MYO1H: variants seen among roughly 807,000 people sequenced by gnomAD.
MYO1H encodes the protein unconventional myosin-Ih.
In MYO1H, 118 loss-of-function variants were observed where a neutral mutation model predicts 149.3. The ratio of observed to expected loss-of-function variants is 0.79; its 90% CI spans 0.68 to 0.92. MYO1H has a LOEUF of 0.92. Among genes scored for constraint, MYO1H ranks in the 40% least tolerant of loss-of-function variants. The pLI, the probability that MYO1H is intolerant of heterozygous loss-of-function variation, is 0.00. For missense variants in MYO1H, 1,212 were observed against 1,280.7 expected, an observed-to-expected ratio of 0.95 and a Z score of 0.82; for synonymous variants, 447 against 465.2, an observed-to-expected ratio of 0.96 and a Z score of 0.50.
At position 109,441,596 on chromosome 12, in the gene MYO1H, T is replaced by G; in HGVS notation, c.2539-19T>G. 6.4e-7 allele frequency: 1 copy of G among 1,574,096 alleles called. No homozygotes were observed. ...AGCCTGTGGCTACCATTTTTATACT[T>G]TCAATTGTGTATTACCAGATGCAGC... On this transcript the variant is annotated intron_variant, in intron 25 of 31. Transcript: ENST00000310903.
In MYO1H at chr12:109,438,545, T is replaced by C. The variant is rs1392709235; in HGVS notation, c.2219T>C (p.Leu740Pro). 3 of 1,613,068 alleles carry C rather than the reference T, an allele frequency of 1.9e-6. No individual in the cohort carries two copies. The highest frequency in any genetic ancestry group is 4.5e-5 in the East Asian group (2 of 44,870). Residue 740 changes from leucine to proline, a missense_variant, in exon 23 of 32, where the codon CTG (leucine) becomes CCG (proline). By Grantham distance (98) the Leu-to-Pro change is moderately conservative. Coordinates refer to ENST00000310903, the Ensembl canonical transcript of MYO1H. Reference sequence around the variant, plus strand: ...CAGTGAACTCTTTCAGCCATCAAACTGGAAGCCCACTGGCGTGGGGCCCTG... The same window carrying C: ...CAGTGAACTCTTTCAGCCATCAAACCGGAAGCCCACTGGCGTGGGGCCCTG...
At position 109,425,936 on chromosome 12, in the gene MYO1H, C is replaced by T; in HGVS notation, c.1726-10C>T. The T allele has an allele frequency of 6.3e-7, 1 of 1,595,200 alleles. No homozygotes were observed. Among genetic ancestry groups the T allele is most frequent in the Non-Finnish European group, 8.6e-7 (1 of 1,163,332 alleles). On this transcript the variant is annotated splice_polypyrimidine_tract_variant and intron_variant, in intron 17 of 31. Transcript: ENST00000310903. The stretch of plus-strand genomic sequence containing the variant: ...GCTCGTTCTCTCTCTCTTTCTCTCT[C>T]TCTCTGCAGGTGGGGACTCAGTTTA...
At chr12:109,379,436 C>G (rs11066446) in intron 1 of MYO1H, among the ~76,000 whole-genome samples, 54,295 of 151,998 alleles carry the variant, frequency 0.36, 10,036 homozygotes, top group Admixed American at 0.45. Context: ...TGCTATTGAG[C>G]GTTTTTTGCT....
the MYO1H span, among the ~76,000 whole-genome samples, chr12:109,318,972 G>GTTTTTTTTTTTTTTTTTT: frequency 6.3e-4 from 49 of 77,238 alleles, 2 homozygotes; most frequent in East Asian, 5.2e-3. Flanking sequence ...TTTTGGTTTT[G>GTTTTTTTTTTTTTTTTTT]TTTTTTTTTT....
rs1479738933 is a variant in MYO1H at position 109,443,110 on chromosome 12, G to GTGTGTATATATGTGTACATA, written c.2689-395_2689-394insATGTGTACATATGTGTATAT. 4.8e-5 allele frequency among the ~76,000 whole-genome samples: 6 copies of GTGTGTATATATGTGTACATA among 124,020 alleles called. 1 individual carries two copies. The highest frequency in any genetic ancestry group is 6.8e-5 in the Non-Finnish European group (4 of 58,590). 81.4% of individuals were successfully genotyped at this position (124,020 alleles called of 152,430 possible). A position where few individuals can be genotyped will look rare whatever the true frequency, so the allele number is the denominator to read the frequency against. ...TGTGTGTATATATGTGTACGTATAT[G>GTGTGTATATATGTGTACATA]TGTGTATATGTGTACGTATATATGT... is the stretch of plus-strand genomic sequence containing the variant. On this transcript the variant is annotated intron_variant, in intron 27 of 31. Coordinates refer to ENST00000310903, the Ensembl canonical transcript of MYO1H.
At chr12:109,351,489 A>G (rs1868460009) in intron 1 of MYO1H, among the ~76,000 whole-genome samples, 1 of 152,216 alleles carries the variant, frequency 6.6e-6, no homozygotes, top group Admixed American at 6.5e-5. Context: ...TATCTGTTTA[A>G]AAGCCATCTA....
chr12:109,439,631 G>T, exon 24 of MYO1H: 1 of 1,606,582 alleles, frequency 6.2e-7, no homozygotes, highest in Non-Finnish European at 8.5e-7. Context: ...TCCTTTTTAG[G>T]TTCATTAAAG....
chr12:109,410,879 C>A (rs1302657728), intron 13 of MYO1H, 111 bp downstream of exon 13: 20 of 713,310 alleles, frequency 2.8e-5, no homozygotes, highest in Non-Finnish European at 3.8e-5. Flanking sequence ...CGGTGGCTCA[C>A]GCCTGTAATT....
At chr12:109,326,762 C>A in the MYO1H span, among the ~76,000 whole-genome samples, 6 of 152,008 alleles carry the variant, frequency 3.9e-5, no homozygotes, top group South Asian at 2.1e-4. Context: ...TCAAGCAATT[C>A]ATCCACCTCG....
chr12:109,443,548 G>T (rs1435766611), exon 28 of MYO1H: 4 of 1,613,584 alleles, frequency 2.5e-6, no homozygotes, highest in African/African-American at 1.3e-5. Context: ...GACAGAAAAG[G>T]CTTCAAAGCA....
exon 12 of MYO1H, chr12:109,409,994 G>A (rs1352028372): frequency 1.3e-6 from 2 of 1,542,754 alleles, no homozygotes; most frequent in Middle Eastern, 1.7e-4. Flanking sequence ...TTACTGCAAT[G>A]AGAAACTCCA....
chr12:109,327,718 C>T, the MYO1H span, among the ~76,000 whole-genome samples: 1 of 105,414 alleles, frequency 9.5e-6, no homozygotes, highest in Non-Finnish European at 1.9e-5. Flanking sequence ...TGCATTCCAG[C>T]CTGAAAGAGC....
At chr12:109,361,248 T>C (rs531939136) in intron 1 of MYO1H, among the ~76,000 whole-genome samples, 8 of 152,246 alleles carry the variant, frequency 5.3e-5, no homozygotes, top group African/African-American at 9.6e-5. Context: ...TTATAAAGTG[T>C]ACACCCATGT....
At chr12:109,399,776 G>A (rs73192591) in intron 5 of MYO1H, among the ~76,000 whole-genome samples, 5,537 of 151,910 alleles carry the variant, frequency 0.036, 127 homozygotes, top group Middle Eastern at 0.065. Context: ...ATAGTAAGGC[G>A]CAGTGGTGCA....
At chr12:109,426,657 A>G (rs1414105176) in intron 18 of MYO1H, among the ~76,000 whole-genome samples, 2 of 152,074 alleles carry the variant, frequency 1.3e-5, no homozygotes, top group Non-Finnish European at 2.9e-5. Flanking sequence ...AGTCAACGTC[A>G]CTCTTTTCTA....
intron 18 of MYO1H, among the ~76,000 whole-genome samples, chr12:109,427,010 C>T (rs540119118): frequency 6.6e-5 from 10 of 152,188 alleles, no homozygotes; most frequent in Admixed American, 5.9e-4. Context: ...TATAAAATTC[C>T]CCCATTTAAA....
intron 28 of MYO1H, 152 bp downstream of exon 28, chr12:109,443,801 G>C: frequency 1.3e-6 from 1 of 788,308 alleles, no homozygotes; most frequent in East Asian, 2.7e-5. Flanking sequence ...TACTCGGAAG[G>C]CTGAGGCAGG....
At chr12:109,444,375 G>A in intron 29 of MYO1H, 57 bp from the exon 30 acceptor site, 1 of 1,573,096 alleles carries the variant, frequency 6.4e-7, no homozygotes, top group Non-Finnish European at 8.8e-7. Context: ...CTATTGGAGT[G>A]TCTGTTTCTT....
At chr12:109,328,693 G>GT in the MYO1H span, among the ~76,000 whole-genome samples, 30,253 of 152,054 alleles carry the variant, frequency 0.2, 3,149 homozygotes, top group African/African-American at 0.24. Context: ...TTCTAATGTC[G>GT]TTTTTTCCTG....
Sources: gnomAD v4.1 joint callset for allele counts (sites outside exome capture counted in the v4.1 genomes callset) on GRCh38, gnomAD v4.1.1 for gene constraint, MANE v1.5 for transcripts, NCBI Gene and HGNC (gene_info 2026-07-23, HGNC 2026-07-21) for gene names.